RIF1: variants seen among roughly 807,000 people sequenced by gnomAD.
RIF1 encodes telomere-associated protein RIF1.
In RIF1, 45 loss-of-function variants were observed where a neutral mutation model predicts 247.1. That is an observed-to-expected ratio of 0.18 (90% CI 0.14 to 0.23). The LOEUF is 0.23. Among genes scored for constraint, RIF1 ranks in the 10% least tolerant of loss-of-function variants. The pLI is 1.00. For missense variants in RIF1, 2,967 were observed against 2,862.5 expected, an observed-to-expected ratio of 1.04 and a Z score of -0.83; for synonymous variants, 1,087 against 978.8, an observed-to-expected ratio of 1.11 and a Z score of -2.06.
In RIF1 at chr2:151,491,732, A is replaced by G. The variant is rs1312662699; in HGVS notation, c.*416-3497A>G. ...ACTGGATGTTGTCTTCTGCTGGATC[A>G]TAGTCAAAAACCGAACCAGGATTAG... On this transcript the variant is annotated intron_variant and NMD_transcript_variant, in intron 9 of 13. Coordinates refer to the RIF1 transcript ENST00000454583. 6.3e-7 allele frequency: 1 copy of G among 1,598,310 alleles called. No homozygotes were observed. The highest frequency in any genetic ancestry group is 8.5e-7 in the Non-Finnish European group (1 of 1,171,946).
At chr2:151,496,484 G>T (rs1264939859) in intron 10 of RIF1, 1 of 1,461,546 alleles carries the variant, frequency 6.8e-7, no homozygotes, top group East Asian at 2.5e-5. Context: ...CAAGGAGCCA[G>T]AAGTTATATG....
Position 151,489,890 on chromosome 2 carries a change from G to A in RIF1, c.*416-5339G>A, listed in dbSNP as rs190063063. ...ATAGAAGGTTTGGTTAAAAAAAACC[G>A]TAATACCTAATACTTATAATCATGT... On this transcript the variant is annotated intron_variant and NMD_transcript_variant, in intron 9 of 13. Transcript: ENST00000454583. 1.6e-4 allele frequency: 176 copies of A among 1,067,046 alleles called. 1 individual carries two copies. The East Asian group carries it at 2.0e-3, about 12-fold the overall frequency. The allele number at this position is 1,067,046 out of a possible 1,614,324, so 66.1% of individuals were successfully genotyped here. A position where few individuals can be genotyped will look rare whatever the true frequency, so the allele number is the denominator to read the frequency against.
the RIF1 span, among the ~76,000 whole-genome samples, chr2:151,529,924 G>C: frequency 1.3e-5 from 2 of 152,080 alleles, no homozygotes; most frequent in Non-Finnish European, 2.9e-5. Context: ...CAAATCTTGA[G>C]TTCAGAACAT....
downstream of RIF1, chr2:151,508,244 A>AC: frequency 1.8e-6 from 1 of 555,512 alleles, no homozygotes; most frequent in Admixed American, 3.1e-5. Flanking sequence ...CTGTCCAAGG[A>AC]TGTTAGGGCA....
chr2:151,458,767 G>C, intron 24 of RIF1, 44 bp from the exon 25 acceptor site: 2 of 1,111,396 alleles, frequency 1.8e-6, no homozygotes, highest in African/African-American at 3.1e-5. Flanking sequence ...GTGTTCACCA[G>C]TACTACTTGA....
At chr2:151,508,075 G>A (rs41270201), downstream of RIF1, 36,997 of 1,609,282 alleles carry the variant, frequency 0.023, 531 homozygotes, top group Non-Finnish European at 0.028. Context: ...CTCATAATAC[G>A]ACATGGACTT....
In RIF1 at chr2:151,468,458, C is replaced by A. The variant is rs772425870; in HGVS notation, c.6748-16C>A. 1 of 1,597,852 alleles carries A rather than the reference C, an allele frequency of 6.3e-7. No individual in the cohort carries two copies. On this transcript the variant is annotated splice_polypyrimidine_tract_variant and intron_variant, in intron 31 of 35. Coordinates refer to ENST00000444746, the MANE Select transcript of RIF1 (RefSeq NM_018151.5). ...TAGGGTTCTGAGTGTTTTTTTCTCT[C>A]CTTTCTTCTATCTAGCATAATACCA...
At chr2:151,418,098 G>A (rs549588329) in intron 6 of RIF1, among the ~76,000 whole-genome samples, 43 of 152,162 alleles carry the variant, frequency 2.8e-4, no homozygotes, top group Non-Finnish European at 5.1e-4. Flanking sequence ...ATGAGGGAAT[G>A]TGAAGGTCTA....
chr2:151,447,338 G>A (rs140725440), intron 20 of RIF1, among the ~76,000 whole-genome samples: 3 of 152,338 alleles, frequency 2.0e-5, no homozygotes, highest in African/African-American at 7.2e-5. Flanking sequence ...CATGTCATTT[G>A]TATATTGATC....
intron 9 of RIF1, among the ~76,000 whole-genome samples, chr2:151,488,661 AG>A (rs1159005714): frequency 2.0e-5 from 3 of 150,468 alleles, no homozygotes; most frequent in Non-Finnish European, 3.0e-5. Context: ...ATAAAAAAAA[AG>A]TATTCTGTAT....
Position 151,465,929 on chromosome 2 carries a change from A to G in RIF1, c.6409A>G (p.Ile2137Val), listed in dbSNP as rs141514789. 62 of 1,614,102 alleles carry G rather than the reference A, an allele frequency of 3.8e-5. No individual in the cohort carries two copies. The highest frequency in any genetic ancestry group is 4.8e-5 in the Non-Finnish European group (57 of 1,180,032). The change falls in exon 30 of 36, where the codon ATA (isoleucine) becomes GTA (valine). Residue 2137 changes from isoleucine (I) to valine (V), a missense_variant. Around this residue, in one of 7 missense-constraint regions of RIF1, gnomAD observed 2,028 missense variants for 1,825.6 expected, o/e 1.11. Transcript: ENST00000444746. ...LASGTAISEL[I>V]IEDNNASPQK... Reference sequence around the variant, plus strand: ...ATCTGGAACAGCTATCTCTGAGCTAATAATAGAAGACAATAATGCATCTCC... The same window carrying G: ...ATCTGGAACAGCTATCTCTGAGCTAGTAATAGAAGACAATAATGCATCTCC...
chr2:151,486,019 T>A, downstream of RIF1: 1 of 1,372,604 alleles, frequency 7.3e-7, no homozygotes, highest in Non-Finnish European at 1.0e-6. Flanking sequence ...CTCTCATGAC[T>A]GACTCCACAA....
At chr2:151,531,318 T>A in the RIF1 span, among the ~76,000 whole-genome samples, 1 of 135,276 alleles carries the variant, frequency 7.4e-6, no homozygotes, top group Non-Finnish European at 1.6e-5. Flanking sequence ...CTTTTTTTTT[T>A]TTTTTTTTTT....
At chr2:151,442,767 A>ATTTTTTTTTTTTTTT in intron 16 of RIF1, among the ~76,000 whole-genome samples, 1 of 104,052 alleles carries the variant, frequency 9.6e-6, no homozygotes, top group Non-Finnish European at 1.9e-5. Flanking sequence ...AAAGAGCTTG[A>ATTTTTTTTTTTTTTT]TTTTTTTTTT....
At chr2:151,519,473 G>A in the RIF1 span, among the ~76,000 whole-genome samples, 1 of 152,180 alleles carries the variant, frequency 6.6e-6, no homozygotes, top group Admixed American at 6.5e-5. Context: ...GGAGCTGACG[G>A]GAGGAGGGAA....
chr2:151,531,503 GA>G, the RIF1 span, among the ~76,000 whole-genome samples: 11 of 151,966 alleles, frequency 7.2e-5, no homozygotes, highest in Admixed American at 4.6e-4. Context: ...TTTTAGTAGA[GA>G]TGGGGTTTTG....
chr2:151,527,048 A>C, the RIF1 span: 1 of 1,481,440 alleles, frequency 6.8e-7, no homozygotes, highest in Non-Finnish European at 9.3e-7. Context: ...GGCAGAAGAA[A>C]AGGGAAGGGT....
At chr2:151,531,068 G>A in the RIF1 span, 1 of 1,613,144 alleles carries the variant, frequency 6.2e-7, no homozygotes, top group Non-Finnish European at 8.5e-7. Context: ...TAGCCTCTGG[G>A]TTTGGCCTTG....
chr2:151,474,774 C>T, intron 35 of RIF1, 83 bp from the exon 36 acceptor site: 1 of 791,004 alleles, frequency 1.3e-6, no homozygotes, highest in Non-Finnish European at 2.1e-6. Flanking sequence ...AACCTAGGCA[C>T]TTGGACTAAC....
Sources: allele counts gnomAD v4.1 joint callset (sites outside exome capture counted in the v4.1 genomes callset), GRCh38; gene constraint gnomAD v4.1.1; regional missense constraint gnomAD v4.1.1; transcripts MANE v1.5; gene names NCBI Gene and HGNC (gene_info 2026-07-23, HGNC 2026-07-21).